DNMT1: variants seen among roughly 807,000 people sequenced by gnomAD.
DNMT1 encodes the protein DNA methyltransferase 1.
Under a neutral mutation model 205.3 loss-of-function variants are expected in DNMT1, and 24 were observed. The ratio of observed to expected loss-of-function variants is 0.12; its 90% CI spans 0.08 to 0.16. The LOEUF (loss-of-function observed/expected upper bound fraction) is 0.16. Ranked by LOEUF, DNMT1 falls within the 10% of genes least tolerant of loss-of-function variation. DNMT1 has a pLI of 1.00. For missense variants in DNMT1, 1,293 were observed against 2,177.7 expected (o/e 0.59, Z 8.09); for synonymous variants, 817 against 839.8 (o/e 0.97, Z 0.47).
At position 10,136,155 on chromosome 19, in the gene DNMT1, GTGC is replaced by G; in HGVS notation, c.4619_4621del (p.Ser1540del). The G allele has an allele frequency of 6.2e-7, 1 of 1,614,080 alleles. No homozygotes were observed. The highest frequency in any genetic ancestry group is 8.5e-7 in the Non-Finnish European group (1 of 1,180,038). Reference sequence around the variant, plus strand: ...CATGGGCTCGGGGTTGGTGACGGTTGTGCTGAAGAAGCCGTCCCACTCGAGCCT... The same window carrying G: ...CATGGGCTCGGGGTTGGTGACGGTTGTGAAGAAGCCGTCCCACTCGAGCCT... On this transcript the variant is annotated inframe_deletion, in exon 38 of 41. Coordinates refer to ENST00000359526, the MANE Select transcript of DNMT1 (RefSeq NM_001130823.3).
chr19:10,175,370 A>G (rs1568250367), intron 7 of DNMT1, among the ~76,000 whole-genome samples, 170 bp downstream of exon 7: 1 of 152,204 alleles, frequency 6.6e-6, no homozygotes, highest in Non-Finnish European at 1.5e-5. Context: ...GTATATATGT[A>G]CCTATAGCTG....
At chr19:10,177,723 G>T (rs1278213600) in intron 5 of DNMT1, among the ~76,000 whole-genome samples, 2 of 152,028 alleles carry the variant, frequency 1.3e-5, no homozygotes, top group Non-Finnish European at 2.9e-5. Flanking sequence ...CCAAGCTCAG[G>T]TATTCGAGAA....
rs1291313337 is a variant in DNMT1 at position 10,140,009 on chromosome 19, G to A, written c.3806+37C>T. 1.7e-5 allele frequency: 28 copies of A among 1,602,892 alleles called. 1 individual carries two copies. Among genetic ancestry groups the A allele is most frequent in the South Asian group, 1.1e-4 (10 of 91,048 alleles). The stretch of plus-strand genomic sequence containing the variant: ...CTGCTGACATGCGGCACAGCCCCGG[G>A]CCGTCTGGCAACACTGGGGGGCTTC... On this transcript the variant is annotated intron_variant, in intron 33 of 40. Transcript: ENST00000359526. The surrounding 1 kb of genome is among the most constrained non-coding windows in gnomAD (Gnocchi z 8.4).
At position 10,162,732 on chromosome 19, in the gene DNMT1, G is replaced by T; in HGVS notation, c.943C>A (p.Pro315Thr). The T allele has an allele frequency of 6.2e-7, 1 of 1,613,820 alleles. No homozygotes were observed. Among genetic ancestry groups the T allele is most frequent in the African/African-American group, 1.3e-5 (1 of 74,930 alleles). The change falls in exon 13 of 41, where the codon CCC becomes ACC. Residue 315 changes from proline (P) to threonine (T), a missense_variant. Pro to Thr is a conservative substitution (Grantham distance 38). Coordinates refer to ENST00000359526, the MANE Select transcript of DNMT1 (RefSeq NM_001130823.3). ...ACTTTTTCAGGTTCTTTTTCTTCGG[G>T]CCTCCGTTTGGCAGCTCTGCAGGGT... The part of the protein sequence containing the change: ...QPKDLAAKRR[P>T]EEKEPEKVNP...
intron 5 of DNMT1, chr19:10,178,813 C>CTATTGTT (rs2038984579): frequency 6.7e-6 from 1 of 149,862 alleles, no homozygotes; most frequent in Non-Finnish European, 1.5e-5. Flanking sequence ...AAGTACTATC[C>CTATTGTT]TATTGTTTGT....
Position 10,194,823 on chromosome 19 carries a change from C to T in DNMT1, c.77G>A (p.Arg26Lys), listed in dbSNP as rs1340824034. Reference sequence around the variant, plus strand: ...TGTTCCCCCCCATGGTACCTACCGCCTGCGGACATCGTCGGGCAGCGAGAT... The same window carrying T: ...TGTTCCCCCCCATGGTACCTACCGCTTGCGGACATCGTCGGGCAGCGAGAT... ...PAISLPDDVR[R>K]RLKDLERDSL... The change falls in exon 1 of 41, where the codon AGG becomes AAG. Residue 26 changes from arginine to lysine, a missense_variant. Coordinates refer to ENST00000359526, the MANE Select transcript of DNMT1 (RefSeq NM_001130823.3). 1 of 1,612,002 alleles carries T rather than the reference C, an allele frequency of 6.2e-7. No homozygotes were observed. The highest frequency in any genetic ancestry group is 1.3e-5 in the African/African-American group (1 of 74,904).
At chr19:10,145,980 C>A (rs1034478858) in intron 28 of DNMT1, among the ~76,000 whole-genome samples, 1 of 152,088 alleles carries the variant, frequency 6.6e-6, no homozygotes, top group Non-Finnish European at 1.5e-5. Context: ...AGGCGCGCAC[C>A]ACCACACCCG....
chr19:10,149,824 A>C (rs1321743388), intron 25 of DNMT1, 29 bp downstream of exon 25: 4 of 1,612,166 alleles, frequency 2.5e-6, no homozygotes, highest in African/African-American at 1.3e-5. Context: ...AAGTGCATGC[A>C]GAAGTCAAGC....
chr19:10,192,615 A>G (rs995533871), intron 1 of DNMT1, among the ~76,000 whole-genome samples: 2 of 152,086 alleles, frequency 1.3e-5, no homozygotes, highest in African/African-American at 4.8e-5. Context: ...AAAAAAAGGA[A>G]TAAAAAAGGA....
chr19:10,173,944 C>G (rs769811113), intron 7 of DNMT1, 39 bp from the exon 8 acceptor site: 1 of 1,606,034 alleles, frequency 6.2e-7, no homozygotes, highest in Non-Finnish European at 8.5e-7. Flanking sequence ...GATTAGAATA[C>G]TGGTTTCAAG....
intron 28 of DNMT1, chr19:10,144,372 CA>C (rs2089658476): frequency 3.2e-6 from 1 of 313,076 alleles, no homozygotes; most frequent in African/African-American, 2.2e-5. Flanking sequence ...TGTGCCACTG[CA>C]CTCCAGCCTG....
intron 29 of DNMT1, among the ~76,000 whole-genome samples, chr19:10,142,422 C>CG (rs1299649092): frequency 1.8e-4 from 27 of 148,508 alleles, no homozygotes; most frequent in African/African-American, 5.5e-4. Flanking sequence ...GCAAGGTAGA[C>CG]TCCCCCCCAT....
Position 10,144,988 on chromosome 19 carries a change from C to T in DNMT1, c.2895-1001G>A, listed in dbSNP as rs573608936. 4.1e-4 allele frequency among the ~76,000 whole-genome samples: 63 copies of T among 152,318 alleles called. 1 individual carries two copies. The South Asian group carries it at 9.9e-3, about 24-fold the overall frequency. The stretch of plus-strand genomic sequence containing the variant: ...TGAACTCCTGACAGGCATGAGCCAC[C>T]GCACCCAGTCCAGCTTCTGTGGTTT... On this transcript the variant is annotated intron_variant, in intron 28 of 40. Transcript: ENST00000359526.
chr19:10,165,710 C>T (rs2038676629), intron 11 of DNMT1, among the ~76,000 whole-genome samples: 1 of 152,160 alleles, frequency 6.6e-6, no homozygotes, highest in African/African-American at 2.4e-5. Context: ...CCCTTTCTAC[C>T]ATGAGGCAAA....
At chr19:10,183,090 T>TAC (rs2039108253) in intron 1 of DNMT1, among the ~76,000 whole-genome samples, 1 of 147,116 alleles carries the variant, frequency 6.8e-6, no homozygotes, top group African/African-American at 2.6e-5. Context: ...TGTATATATA[T>TAC]ATACACGTAT....
chr19:10,148,368 C>A (rs950772231), intron 27 of DNMT1, among the ~76,000 whole-genome samples: 1 of 146,220 alleles, frequency 6.8e-6, no homozygotes, highest in East Asian at 2.1e-4. Context: ...TGGTGGCAGG[C>A]GCCTGTAGTC....
intron 39 of DNMT1, among the ~76,000 whole-genome samples, chr19:10,134,855 C>T (rs12975631): frequency 1.5e-5 from 2 of 137,240 alleles, no homozygotes; most frequent in African/African-American, 5.6e-5. Context: ...GAGACCCTGT[C>T]TCAGAAAAAA....
Position 10,175,628 on chromosome 19 carries a change from A to G in DNMT1, c.570-10T>C. The G allele has an allele frequency of 6.2e-7, 1 of 1,614,002 alleles. No individual in the cohort carries two copies. Among genetic ancestry groups the G allele is most frequent in the Non-Finnish European group, 8.5e-7 (1 of 1,179,906 alleles). ...TTTCCGTTTGGCAGGGCTGTCACAC[A>G]CAGTGAGGCCAACCATTAGTGGAAC... On this transcript the variant is annotated splice_polypyrimidine_tract_variant and intron_variant, in intron 6 of 40. Transcript: ENST00000359526.
At chr19:10,166,547 A>C in intron 11 of DNMT1, 51 bp downstream of exon 11, 1 of 1,611,314 alleles carries the variant, frequency 6.2e-7, no homozygotes, top group Non-Finnish European at 8.5e-7. Context: ...GCCCAAGCAA[A>C]CAGGAGCAGA....
Sources: allele counts gnomAD v4.1 joint callset (sites outside exome capture counted in the v4.1 genomes callset), GRCh38; gene constraint gnomAD v4.1.1; non-coding constraint Gnocchi (gnomAD v3.1); transcripts MANE v1.5; gene names NCBI Gene and HGNC (gene_info 2026-07-23, HGNC 2026-07-21).